Variants in ASIC2 observed in about 807,000 individuals in gnomAD.
ASIC2 encodes the protein acid-sensing ion channel 2.
A neutral mutation model predicts 57.3 loss-of-function variants in ASIC2; 25 were observed. The observed-to-expected ratio is 0.44, with a 90% confidence interval of 0.32 to 0.61. The LOEUF is 0.61. ASIC2 is among the 20% of genes least tolerant of loss of function. The pLI is 0.06. For missense variants in ASIC2, 641 were observed against 738.1 expected (o/e 0.87, Z 1.52); for synonymous variants, 319 against 307.5 (o/e 1.04, Z -0.39).
intron 1 of ASIC2, among the ~76,000 whole-genome samples, chr17:33,431,887 A>G (rs1224874824): frequency 1.3e-5 from 2 of 152,240 alleles, no homozygotes; most frequent in African/African-American, 2.4e-5. Context: ...ACGAAAGAGT[A>G]TAACTATAAT....
At chr17:33,238,932 A>C (rs1434424464) in intron 1 of ASIC2, among the ~76,000 whole-genome samples, 2 of 152,130 alleles carry the variant, frequency 1.3e-5, no homozygotes, top group Non-Finnish European at 2.9e-5. Context: ...TGAACCTGGG[A>C]GGCGGAGGTT....
chr17:33,772,498 A>G (rs962869439), intron 1 of ASIC2, among the ~76,000 whole-genome samples: 1 of 152,052 alleles, frequency 6.6e-6, no homozygotes, highest in Non-Finnish European at 1.5e-5. Context: ...CTCTTCACCA[A>G]TCTGCTTTAT....
Position 33,488,653 on chromosome 17 carries a change from A to G in ASIC2, c.556-376586T>C, listed in dbSNP as rs1266505567. 2.0e-5 allele frequency among the ~76,000 whole-genome samples: 3 copies of G among 152,214 alleles called. No individual in the cohort carries two copies. The East Asian group carries it at 5.8e-4, about 29-fold the overall frequency. On this transcript the variant is annotated intron_variant, in intron 1 of 9. Coordinates refer to the ASIC2 transcript ENST00000359872. ...CATCTTAACTATTTTTAAGTGTCAC[A>G]GTAAAAGATTCTCCTGTAAAGAATT...
intron 1 of ASIC2, among the ~76,000 whole-genome samples, chr17:33,912,352 G>A (rs1240611656): frequency 6.7e-6 from 1 of 148,976 alleles, no homozygotes; most frequent in Non-Finnish European, 1.5e-5. Flanking sequence ...AGTTAGCTGG[G>A]CATGGTGGCG....
At chr17:33,430,428 G>A (rs73983673) in intron 1 of ASIC2, among the ~76,000 whole-genome samples, 6,869 of 152,262 alleles carry the variant, frequency 0.045, 500 homozygotes, top group African/African-American at 0.16. Flanking sequence ...GGGGAATACA[G>A]CGTTAAAAAC....
At chr17:34,018,128 A>C (rs1222162275) in intron 1 of ASIC2, among the ~76,000 whole-genome samples, 1 of 152,188 alleles carries the variant, frequency 6.6e-6, no homozygotes, top group Admixed American at 6.5e-5. Context: ...TAGGCTCTGA[A>C]TGCAGTCAGA....
chr17:33,191,671 C>T (rs1906424419), intron 1 of ASIC2, among the ~76,000 whole-genome samples: 2 of 151,856 alleles, frequency 1.3e-5, no homozygotes, highest in East Asian at 1.9e-4. Context: ...GGATCCACGG[C>T]CCTCTACACC....
rs748724358 is a variant in ASIC2, at chr17:33,931,399, A to G, written c.555+224579T>C. 3.3e-5 allele frequency: 5 copies of G among 152,326 alleles called. No homozygotes were observed. In the East Asian group the frequency reaches 9.7e-4, roughly 29 times the overall value. The allele number at this position is 152,326 out of a possible 1,614,324, so 9.4% of individuals were successfully genotyped here. On this transcript the variant is annotated intron_variant, in intron 1 of 9. Transcript: ENST00000359872. ...GAATCTATAGATAACACAAGCAGTT[A>G]AGTCAGGGGTTGATTTTTAACTACC...
At chr17:33,913,640 T>A (rs1915517379) in intron 1 of ASIC2, among the ~76,000 whole-genome samples, 1 of 152,318 alleles carries the variant, frequency 6.6e-6, no homozygotes, top group East Asian at 1.9e-4. Flanking sequence ...TTATTCGATA[T>A]AATTCACAAA....
intron 1 of ASIC2, among the ~76,000 whole-genome samples, chr17:33,700,351 A>T (rs987003022): frequency 6.6e-6 from 1 of 152,160 alleles, no homozygotes; most frequent in East Asian, 1.9e-4. Flanking sequence ...TACCTTTATT[A>T]TATCTGTTCA....
intron 1 of ASIC2, among the ~76,000 whole-genome samples, chr17:33,787,844 T>C (rs1197961642): frequency 1.3e-5 from 2 of 152,156 alleles, no homozygotes; most frequent in African/African-American, 4.8e-5. Flanking sequence ...GATTGGATTA[T>C]GGGGGTGGAT....
intron 2 of ASIC2, among the ~76,000 whole-genome samples, chr17:33,098,112 C>T (rs975777511): frequency 1.3e-5 from 2 of 152,178 alleles, no homozygotes; most frequent in African/African-American, 4.8e-5. Context: ...GAAGCAGGGG[C>T]TGATCTCTCA....
At chr17:33,418,959 G>C (rs1320082448) in intron 1 of ASIC2, among the ~76,000 whole-genome samples, 1 of 151,834 alleles carries the variant, frequency 6.6e-6, no homozygotes, top group Non-Finnish European at 1.5e-5. Context: ...GTCAGGGGTG[G>C]GGGGCTGGGG....
Position 33,958,206 on chromosome 17 carries a change from G to T in ASIC2, c.555+197772C>A, listed in dbSNP as rs190420097. Among the ~76,000 whole-genome samples the T allele has an allele frequency of 4.9e-3, 744 of 152,304 alleles. 12 individuals are homozygous for T. Among genetic ancestry groups the T allele is most frequent in the African/African-American group, 0.017 (698 of 41,562 alleles). ...TAATGGCTGGCATTGAGTGTCTGTGGCTTTTCCAGGTGCACGATGCAAGCT... is the reference window on the plus strand; with the variant it reads ...TAATGGCTGGCATTGAGTGTCTGTGTCTTTTCCAGGTGCACGATGCAAGCT... On this transcript the variant is annotated intron_variant, in intron 1 of 9. Transcript: ENST00000359872.
chr17:33,837,199 A>G (rs1285346778), intron 1 of ASIC2, among the ~76,000 whole-genome samples: 2 of 152,180 alleles, frequency 1.3e-5, no homozygotes, highest in African/African-American at 4.8e-5. Context: ...CCAAGGTGGT[A>G]TCAAGGGCTG....
intron 1 of ASIC2, among the ~76,000 whole-genome samples, chr17:33,576,499 G>C (rs187978755): frequency 6.6e-6 from 1 of 152,176 alleles, no homozygotes; most frequent in Admixed American, 6.5e-5. Context: ...AGAAAAATCA[G>C]AACAGCATAG....
chr17:33,774,524 C>T (rs1429925604), intron 1 of ASIC2, among the ~76,000 whole-genome samples: 2 of 152,160 alleles, frequency 1.3e-5, no homozygotes, highest in African/African-American at 2.4e-5. Context: ...CCTGCCATCT[C>T]TATTTTTAAG....
intron 1 of ASIC2, among the ~76,000 whole-genome samples, chr17:33,238,229 A>C (rs114343966): frequency 6.6e-6 from 1 of 152,200 alleles, no homozygotes; most frequent in Non-Finnish European, 1.5e-5. Context: ...GTGCTGGAGA[A>C]ACCCTGTGAG....
intron 1 of ASIC2, among the ~76,000 whole-genome samples, chr17:34,144,269 C>G (rs1233640233): frequency 2.0e-5 from 3 of 152,168 alleles, no homozygotes; most frequent in African/African-American, 4.8e-5. Flanking sequence ...CCATTATTAA[C>G]AGGTTTTGTA....
Sources: gnomAD v4.1 joint callset for allele counts (sites outside exome capture counted in the v4.1 genomes callset) on GRCh38, gnomAD v4.1.1 for gene constraint, MANE v1.5 for transcripts, NCBI Gene and HGNC (gene_info 2026-07-23, HGNC 2026-07-21) for gene names.